Variants in NEO1 observed in about 807,000 individuals in gnomAD.
The protein encoded by NEO1 is neogenin.
NEO1 carries 63 observed loss-of-function variants against 159.7 expected under a neutral mutation model. The ratio of observed to expected loss-of-function variants is 0.39; its 90% CI spans 0.32 to 0.49. NEO1 has a LOEUF of 0.49. Ranked by LOEUF, NEO1 falls within the 20% of genes least tolerant of loss-of-function variation. The probability of loss-of-function intolerance (pLI) is 0.85; values close to 1 mark genes in which losing one functional copy is unlikely to be tolerated. For synonymous variants in NEO1, 633 were observed against 662.0 expected (o/e 0.96, Z 0.67); for missense variants, 1,615 against 1,831.0 (o/e 0.88, Z 2.15).
Position 73,068,490 on chromosome 15 carries a change from G to A in NEO1, c.130+15685G>A, listed in dbSNP as rs1046941392. Among the ~76,000 whole-genome samples, 4 of 152,196 alleles carry A rather than the reference G, an allele frequency of 2.6e-5. No homozygotes were observed. The South Asian group carries it at 8.3e-4, about 32-fold the overall frequency. On this transcript the variant is annotated intron_variant, in intron 1 of 28. Coordinates refer to ENST00000261908, the MANE Select transcript of NEO1 (RefSeq NM_002499.4). Reference sequence around the variant, plus strand: ...GCCTCGCAAAGTACTGGGATTATAGGTGTGAGCCACTGCACCTGGTGTGTT... The same window carrying A: ...GCCTCGCAAAGTACTGGGATTATAGATGTGAGCCACTGCACCTGGTGTGTT...
chr15:73,168,585 GC>G (rs1292764570), intron 5 of NEO1, among the ~76,000 whole-genome samples: 1 of 151,956 alleles, frequency 6.6e-6, no homozygotes, highest in Non-Finnish European at 1.5e-5. Flanking sequence ...GAGACTAGGG[GC>G]AGGATTGGGA....
rs1048581122 is a variant in NEO1, at chr15:73,303,099, T to A, written c.*403T>A. On this transcript the variant is annotated 3_prime_UTR_variant, in exon 29 of 29. Coordinates refer to ENST00000261908, the MANE Select transcript of NEO1 (RefSeq NM_002499.4). ...ATTTTATTTGTGTCTTATTTTATTTTACCTTCAAAAACAAAAACGCCATCC... is the reference window on the plus strand; with the variant it reads ...ATTTTATTTGTGTCTTATTTTATTTAACCTTCAAAAACAAAAACGCCATCC... 8 of 160,612 alleles carry A rather than the reference T, an allele frequency of 5.0e-5. No individual in the cohort carries two copies. The highest frequency in any genetic ancestry group is 1.9e-4 in the African/African-American group (8 of 41,782). 9.9% of individuals were successfully genotyped at this position (160,612 alleles called of 1,614,324 possible). A position where few individuals can be genotyped will look rare whatever the true frequency, so the allele number is the denominator to read the frequency against.
intron 7 of NEO1, among the ~76,000 whole-genome samples, chr15:73,198,689 A>G (rs1245469852): frequency 6.6e-6 from 1 of 151,728 alleles, no homozygotes; most frequent in Non-Finnish European, 1.5e-5. Flanking sequence ...CTCCTCTTAG[A>G]TTTTTGCTTT....
chr15:73,092,409 T>C (rs1193793130), intron 1 of NEO1, among the ~76,000 whole-genome samples: 1 of 152,200 alleles, frequency 6.6e-6, no homozygotes, highest in Non-Finnish European at 1.5e-5. Context: ...TAACTTATAA[T>C]CCACTTTACT....
At chr15:73,100,962 G>A (rs191251148) in intron 1 of NEO1, among the ~76,000 whole-genome samples, 31 of 152,230 alleles carry the variant, frequency 2.0e-4, no homozygotes, top group Admixed American at 6.5e-4. Flanking sequence ...TATTCAAGCC[G>A]TTAATGATTC....
chr15:73,193,097 A>AT (rs573357410), intron 7 of NEO1, among the ~76,000 whole-genome samples: 2 of 152,066 alleles, frequency 1.3e-5, no homozygotes, highest in South Asian at 2.1e-4. Context: ...TTAATATAGC[A>AT]TTTTTTTCCT....
Position 73,240,576 on chromosome 15 carries a change from T to C in NEO1, c.1452-3768T>C, listed in dbSNP as rs13380128. Among the ~76,000 whole-genome samples, 1,307 of 152,344 alleles carry C rather than the reference T, an allele frequency of 8.6e-3. 22 individuals are homozygous for C. The highest frequency in any genetic ancestry group is 0.03 in the African/African-American group (1,235 of 41,572). ...TAATCAGATAAGAAGGGACCATTTT[T>C]GACTGTTAAGAAAGTTGTACACTGT... On this transcript the variant is annotated intron_variant, in intron 8 of 28. Coordinates refer to ENST00000261908, the MANE Select transcript of NEO1 (RefSeq NM_002499.4).
chr15:73,186,342 C>T (rs2035926667), intron 7 of NEO1, among the ~76,000 whole-genome samples: 1 of 150,024 alleles, frequency 6.7e-6, no homozygotes, highest in Non-Finnish European at 1.5e-5. Flanking sequence ...AAAAGGCAAC[C>T]AAAAAAAAGG....
chr15:73,270,221 C>T lies in NEO1; in HGVS notation c.2706C>T (p.Asn902=), dbSNP rs952187678. ...TVRWKTNIPA[N]TKYKNANATT... The stretch of plus-strand genomic sequence containing the variant: ...GATGGAAAACCAACATCCCAGCAAA[C>T]ACCAAGTACAAGGTACTGACACATT... Residue 902 remains asparagine, a synonymous_variant, in exon 17 of 29, where the codon AAC becomes AAT. Coordinates refer to ENST00000261908, the MANE Select transcript of NEO1 (RefSeq NM_002499.4). The T allele has an allele frequency of 6.8e-6, 11 of 1,614,078 alleles. No homozygotes were observed. The highest frequency in any genetic ancestry group is 8.5e-6 in the Non-Finnish European group (10 of 1,180,036).
At position 73,119,173 on chromosome 15, in the gene NEO1, G is replaced by T. The variant is rs185193684; in HGVS notation, c.448+2316G>T. On this transcript the variant is annotated intron_variant, in intron 2 of 28. Transcript: ENST00000261908. ...GATTTCTTCCCGGAATGATGAAAAG[G>T]TTCTGAAATTAGATTATGGTGATGA... Among the ~76,000 whole-genome samples the T allele has an allele frequency of 3.3e-5, 5 of 152,190 alleles. No individual in the cohort carries two copies. The East Asian group carries it at 9.7e-4, about 29-fold the overall frequency.
At position 73,207,007 on chromosome 15, in the gene NEO1, C is replaced by G. The variant is rs575097788; in HGVS notation, c.1291+28580C>G. On this transcript the variant is annotated intron_variant, in intron 7 of 28. Coordinates refer to ENST00000261908, the MANE Select transcript of NEO1 (RefSeq NM_002499.4). ...GAGCAGGTGGGACTACAGGTGCACACCACCACACCCAGTGACATCCCTTGT... is the reference window on the plus strand; with the variant it reads ...GAGCAGGTGGGACTACAGGTGCACAGCACCACACCCAGTGACATCCCTTGT... Among the ~76,000 whole-genome samples, 4 of 152,218 alleles carry G rather than the reference C, an allele frequency of 2.6e-5. No homozygotes were observed. The South Asian group carries it at 6.2e-4, about 24-fold the overall frequency.
intron 1 of NEO1, among the ~76,000 whole-genome samples, chr15:73,068,320 C>G (rs899110880): frequency 9.4e-5 from 8 of 85,116 alleles, no homozygotes; most frequent in Non-Finnish European, 1.3e-4. Context: ...CTCTTGGGTT[C>G]AAGTGATTCT....
chr15:73,122,201 T>A (rs2071708626), intron 2 of NEO1, among the ~76,000 whole-genome samples: 1 of 150,620 alleles, frequency 6.6e-6, no homozygotes, highest in Non-Finnish European at 1.5e-5. Context: ...ATATATATTT[T>A]TATATCTATG....
intron 1 of NEO1, among the ~76,000 whole-genome samples, chr15:73,099,777 T>A (rs1160802563): frequency 6.6e-6 from 1 of 152,230 alleles, no homozygotes; most frequent in Non-Finnish European, 1.5e-5. Context: ...GTTTTCCATA[T>A]GAGGAAAGTA....
chr15:73,138,485 G>C (rs2032006744), intron 5 of NEO1, among the ~76,000 whole-genome samples: 1 of 151,430 alleles, frequency 6.6e-6, no homozygotes, highest in Non-Finnish European at 1.5e-5. Flanking sequence ...GGCCGGGCGC[G>C]GTGGCTCGCG....
At chr15:73,176,930 T>C (rs906057780) in intron 6 of NEO1, among the ~76,000 whole-genome samples, 3 of 152,120 alleles carry the variant, frequency 2.0e-5, no homozygotes, top group African/African-American at 7.2e-5. Context: ...CAGAAATCTT[T>C]CCACACTTCT....
intron 15 of NEO1, among the ~76,000 whole-genome samples, chr15:73,261,732 C>G (rs1174556485): frequency 6.6e-6 from 1 of 152,112 alleles, no homozygotes; most frequent in Admixed American, 6.6e-5. Flanking sequence ...TGACAATTCT[C>G]CCCAGTGCAG....
intron 7 of NEO1, among the ~76,000 whole-genome samples, chr15:73,199,337 A>G (rs1585766): frequency 0.37 from 55,633 of 151,370 alleles, 11,660 homozygotes; most frequent in East Asian, 0.57. Flanking sequence ...TAGCTAAGGT[A>G]GTGTTTATCA....
At chr15:73,105,228 A>C (rs1232100678) in intron 1 of NEO1, among the ~76,000 whole-genome samples, 1 of 152,200 alleles carries the variant, frequency 6.6e-6, no homozygotes, top group African/African-American at 2.4e-5. Context: ...AGAAAAGATA[A>C]AGAACCAAAC....
Sources: allele counts gnomAD v4.1 joint callset (sites outside exome capture counted in the v4.1 genomes callset), GRCh38; gene constraint gnomAD v4.1.1; transcripts MANE v1.5; gene names NCBI Gene and HGNC (gene_info 2026-07-23, HGNC 2026-07-21).